MAGI1: variants seen among roughly 807,000 people sequenced by gnomAD.
MAGI1 encodes membrane associated guanylate kinase, WW and PDZ domain containing 1, also known as membrane-associated guanylate kinase, WW and PDZ domain-containing protein 1.
In MAGI1, 58 loss-of-function variants were observed where a neutral mutation model predicts 139.9. The ratio of observed to expected loss-of-function variants is 0.41; its 90% CI spans 0.34 to 0.52. The LOEUF is 0.52. MAGI1 is among the 20% of genes least tolerant of loss of function. The pLI is 0.12. For missense variants in MAGI1, 1,874 were observed against 1,901.6 expected (o/e 0.99, Z 0.27); for synonymous variants, 812 against 737.9 (o/e 1.10, Z -1.63).
chr3:65,491,653 G>A (rs915561702), intron 3 of MAGI1, among the ~76,000 whole-genome samples: 2 of 152,032 alleles, frequency 1.3e-5, no homozygotes, highest in African/African-American at 4.8e-5. Flanking sequence ...AGGACAGCAT[G>A]CTGACAACAT....
chr3:65,457,219 A>T (rs1949458707), intron 5 of MAGI1, among the ~76,000 whole-genome samples: 2 of 152,192 alleles, frequency 1.3e-5, no homozygotes, highest in Non-Finnish European at 2.9e-5. Flanking sequence ...AAATAATTTT[A>T]AAAAGAATGT....
chr3:65,816,628 G>C (rs2108227979), intron 1 of MAGI1, among the ~76,000 whole-genome samples: 1 of 113,044 alleles, frequency 8.8e-6, no homozygotes, highest in East Asian at 3.9e-4. Flanking sequence ...GCTCTGAGTA[G>C]CTAACAGGGG....
rs1244164161 is a variant in MAGI1, at chr3:66,038,231, G to A, written c.78C>T (p.Gly26=). The A allele has an allele frequency of 6.2e-7, 1 of 1,611,624 alleles. No homozygotes were observed. The highest frequency in any genetic ancestry group is 1.7e-5 in the Admixed American group (1 of 59,928). The change falls in exon 1 of 23, where the codon GGC becomes GGT. Residue 26 remains glycine, a synonymous_variant. Coordinates refer to ENST00000402939, the MANE Select transcript of MAGI1 (RefSeq NM_001033057.2). The stretch of plus-strand genomic sequence containing the variant: ...CTCCCAGCACCGTCACCCCCAGCTC[G>A]CCCTGGGGTCCCCGCTTCACGGTGC... ...HECTVKRGPQ[G]ELGVTVLGGA...
chr3:65,957,525 AAAAAAAAAAG>A (rs1401396445), intron 1 of MAGI1, among the ~76,000 whole-genome samples: 78 of 127,796 alleles, frequency 6.1e-4, no homozygotes, highest in South Asian at 1.6e-3. Flanking sequence ...CATCTCAAAA[AAAAAAAAAAG>A]AAAAAGAAAA....
rs1940094791 is a variant in MAGI1 at position 65,353,865 on chromosome 3, A to G, written c.*2513T>C. Reference sequence around the variant, plus strand: ...TCTGCATAATGCATAGTCCCTGTACAGTACAATATTTCCAAACAAATCTGA... The same window carrying G: ...TCTGCATAATGCATAGTCCCTGTACGGTACAATATTTCCAAACAAATCTGA... On this transcript the variant is annotated 3_prime_UTR_variant, in exon 23 of 23. Transcript: ENST00000402939. 6.6e-6 allele frequency: 1 copy of G among 152,254 alleles called. No individual in the cohort carries two copies. Among genetic ancestry groups the G allele is most frequent in the African/African-American group, 2.4e-5 (1 of 41,472 alleles). The allele number at this position is 152,254 out of a possible 1,614,324, so 9.4% of individuals were successfully genotyped here. A position where few individuals can be genotyped will look rare whatever the true frequency, so the allele number is the denominator to read the frequency against.
intron 1 of MAGI1, among the ~76,000 whole-genome samples, chr3:65,713,276 G>A (rs140225737): frequency 2.1e-4 from 32 of 152,180 alleles, no homozygotes; most frequent in African/African-American, 7.7e-4. Context: ...CATCACCATG[G>A]AAACTAGCCC....
At chr3:65,571,270 A>G (rs2080947336) in intron 2 of MAGI1, among the ~76,000 whole-genome samples, 1 of 152,194 alleles carries the variant, frequency 6.6e-6, no homozygotes, top group Admixed American at 6.5e-5. Context: ...ATTTTATATA[A>G]GTTTTCATCA....
chr3:65,487,593 G>A (rs1917520), intron 3 of MAGI1, among the ~76,000 whole-genome samples: 45,024 of 151,932 alleles, frequency 0.3, 8,310 homozygotes, highest in East Asian at 0.73. Flanking sequence ...TCCTACAACC[G>A]ACCAATGTAA....
Position 66,038,342 on chromosome 3 carries a change from CGA to C in MAGI1, c.-36_-35del, listed in dbSNP as rs2069055810. 2.0e-6 allele frequency: 3 copies of C among 1,516,198 alleles called. No individual in the cohort carries two copies. Among genetic ancestry groups the C allele is most frequent in the Non-Finnish European group, 2.6e-6 (3 of 1,134,110 alleles). 93.9% of individuals were successfully genotyped at this position (1,516,198 alleles called of 1,614,324 possible). ...ACACCCCTCCTCCAAAAAAATAAAA[CGA>C]GAGACAGGTGCCCCCCACAGCACGA... On this transcript the variant is annotated 5_prime_UTR_variant, in exon 1 of 23. Transcript: ENST00000402939.
Position 65,515,971 on chromosome 3 carries a change from C to A in MAGI1, c.431-22340G>T, listed in dbSNP as rs139658046. On this transcript the variant is annotated intron_variant, in intron 2 of 22. Transcript: ENST00000402939. ...CACAGTTCAAAAATCTTTACAGGGG[C>A]ACAGGGAATTGAAATAGCAGAAATT... 3.2e-3 allele frequency among the ~76,000 whole-genome samples: 486 copies of A among 152,256 alleles called. 2 individuals carry two copies. The highest frequency in any genetic ancestry group is 0.011 in the African/African-American group (474 of 41,532).
At chr3:65,765,389 A>G (rs1056345768) in intron 1 of MAGI1, among the ~76,000 whole-genome samples, 1 of 152,216 alleles carries the variant, frequency 6.6e-6, no homozygotes, top group Admixed American at 6.5e-5. Context: ...ACAACTATAA[A>G]GAAACCAATG....
chr3:65,417,546 C>A (rs1946317238), intron 12 of MAGI1, among the ~76,000 whole-genome samples: 2 of 150,090 alleles, frequency 1.3e-5, no homozygotes, highest in African/African-American at 2.5e-5. Context: ...TAAATTAAAC[C>A]AAAAAGAAAA....
intron 1 of MAGI1, chr3:65,688,126 G>C: frequency 1.3e-6 from 1 of 767,680 alleles, no homozygotes; most frequent in Non-Finnish European, 2.3e-6. Flanking sequence ...CAGATTCTAG[G>C]TGCAGGACTG....
intron 1 of MAGI1, among the ~76,000 whole-genome samples, chr3:65,724,526 C>T (rs991861571): frequency 3.3e-5 from 5 of 152,222 alleles, no homozygotes; most frequent in South Asian, 2.1e-4. Flanking sequence ...GGGCTTTTCC[C>T]GTTTTGTTCA....
intron 1 of MAGI1, among the ~76,000 whole-genome samples, chr3:65,810,562 G>C (rs1305005133): frequency 6.6e-6 from 1 of 152,188 alleles, no homozygotes; most frequent in African/African-American, 2.4e-5. Context: ...GGAGAGAATC[G>C]AATGAACTGA....
chr3:65,496,134 T>C (rs999271511), intron 2 of MAGI1, among the ~76,000 whole-genome samples: 1 of 151,946 alleles, frequency 6.6e-6, no homozygotes, highest in Non-Finnish European at 1.5e-5. Flanking sequence ...CTTGAACTAC[T>C]GGGCTCAAGA....
intron 1 of MAGI1, among the ~76,000 whole-genome samples, chr3:66,014,474 T>C (rs1352224368): frequency 3.3e-5 from 5 of 152,178 alleles, no homozygotes; most frequent in Non-Finnish European, 7.4e-5. Flanking sequence ...GACTACAGAA[T>C]AAGCCACTGT....
chr3:65,436,648 G>A (rs1947876341), intron 10 of MAGI1, among the ~76,000 whole-genome samples: 1 of 152,132 alleles, frequency 6.6e-6, no homozygotes, highest in South Asian at 2.1e-4. Context: ...CTAATGCTGA[G>A]TTTCAGATTT....
chr3:65,880,908 C>CGTGTGTGTGTGTGTGTGTGTGTGTGTGT (rs11271375), intron 1 of MAGI1, among the ~76,000 whole-genome samples: 1,482 of 145,538 alleles, frequency 0.01, 18 homozygotes, highest in Middle Eastern at 0.028. Flanking sequence ...ATATCTCTGG[C>CGTGTGTGTGTGTGTGTGTGTGTGTGTGT]GTGTGTGTGT....
Sources: gnomAD v4.1 joint callset for allele counts (sites outside exome capture counted in the v4.1 genomes callset) on GRCh38, gnomAD v4.1.1 for gene constraint, MANE v1.5 for transcripts, NCBI Gene and HGNC (gene_info 2026-07-23, HGNC 2026-07-21) for gene names.